Variants in PBX1 observed in about 807,000 individuals in gnomAD.
The protein encoded by PBX1 is pre-B-cell leukemia transcription factor 1.
PBX1 carries 6 observed loss-of-function variants against 53.4 expected under a neutral mutation model. The ratio of observed to expected loss-of-function variants is 0.11; its 90% CI spans 0.06 to 0.22. PBX1 has a LOEUF of 0.22. Ranked by LOEUF, PBX1 falls within the 10% of genes least tolerant of loss-of-function variation. The pLI, the probability that PBX1 is intolerant of heterozygous loss-of-function variation, is 1.00. For missense variants in PBX1, 251 were observed against 551.4 expected (o/e 0.46, Z 5.46); for synonymous variants, 204 against 212.3 (o/e 0.96, Z 0.34).
intron 2 of PBX1, among the ~76,000 whole-genome samples, chr1:164,708,736 T>C (rs775888996): frequency 2.0e-5 from 3 of 152,212 alleles, no homozygotes; most frequent in Admixed American, 6.5e-5. Flanking sequence ...ACAACAAATA[T>C]ATGGCACAGG....
At chr1:164,695,689 T>G (rs1039360172) in intron 2 of PBX1, among the ~76,000 whole-genome samples, 3 of 152,200 alleles carry the variant, frequency 2.0e-5, no homozygotes, top group Non-Finnish European at 2.9e-5. Flanking sequence ...TTCTCCCAAT[T>G]TTTAGTACAT....
intron 2 of PBX1, among the ~76,000 whole-genome samples, chr1:164,857,134 C>T (rs1308572856): frequency 6.6e-6 from 1 of 152,196 alleles, no homozygotes; most frequent in Non-Finnish European, 1.5e-5. Flanking sequence ...CCTGCCCTCA[C>T]ATCAGACACC....
chr1:164,681,677 G>C (rs909445647), intron 2 of PBX1, among the ~76,000 whole-genome samples: 7 of 152,180 alleles, frequency 4.6e-5, no homozygotes, highest in Non-Finnish European at 1.0e-4. Context: ...GCCTACTTTA[G>C]AGTGGAGCGT....
At chr1:164,661,539 G>T (rs1660495083) in intron 2 of PBX1, among the ~76,000 whole-genome samples, 1 of 149,698 alleles carries the variant, frequency 6.7e-6, no homozygotes, top group Admixed American at 6.8e-5. Flanking sequence ...CAATTCTCCT[G>T]CCTCAGCCTC....
At chr1:164,799,362 G>C (rs564200817) in intron 3 of PBX1, among the ~76,000 whole-genome samples, 1 of 152,088 alleles carries the variant, frequency 6.6e-6, no homozygotes, top group African/African-American at 2.4e-5. Context: ...GTGGTGGCGG[G>C]CGCCTGTAGT....
intron 4 of PBX1, among the ~76,000 whole-genome samples, chr1:164,803,950 T>C (rs1669210427): frequency 6.6e-6 from 1 of 152,220 alleles, no homozygotes; most frequent in African/African-American, 2.4e-5. Context: ...ATTAGTATAG[T>C]ATCTGGCATA....
chr1:164,774,226 G>A (rs1490222233), intron 2 of PBX1, among the ~76,000 whole-genome samples: 3 of 152,072 alleles, frequency 2.0e-5, no homozygotes, highest in Non-Finnish European at 4.4e-5. Flanking sequence ...GGGTTCTTTG[G>A]GAAGCTTCAA....
chr1:164,692,338 G>A (rs2102026319), intron 2 of PBX1, among the ~76,000 whole-genome samples: 1 of 152,264 alleles, frequency 6.6e-6, no homozygotes, highest in African/African-American at 2.4e-5. Context: ...TTTTTATGCT[G>A]TCACTCAGCC....
At chr1:164,624,718 C>T (rs563040378) in intron 2 of PBX1, among the ~76,000 whole-genome samples, 72 of 152,096 alleles carry the variant, frequency 4.7e-4, no homozygotes, top group Non-Finnish European at 9.0e-4. Flanking sequence ...TTTTTCAGTT[C>T]CTATAGGTTT....
intron 2 of PBX1, among the ~76,000 whole-genome samples, chr1:164,730,561 A>G (rs1431905328): frequency 6.6e-6 from 1 of 152,164 alleles, no homozygotes; most frequent in Non-Finnish European, 1.5e-5. Flanking sequence ...AAAAGGTTCC[A>G]TACTCCAGTC....
At chr1:164,825,446 T>C (rs1670408963) in intron 8 of PBX1, among the ~76,000 whole-genome samples, 1 of 152,156 alleles carries the variant, frequency 6.6e-6, no homozygotes, top group African/African-American at 2.4e-5. Context: ...AATGAATAAA[T>C]CAGGGAGGGG....
chr1:164,782,582 T>A (rs933085400), intron 2 of PBX1, among the ~76,000 whole-genome samples: 1 of 152,246 alleles, frequency 6.6e-6, no homozygotes, highest in African/African-American at 2.4e-5. Context: ...ATTCAGCAAT[T>A]TTCAAAAACT....
chr1:164,643,866 A>C (rs1659298421), intron 2 of PBX1, among the ~76,000 whole-genome samples: 1 of 152,206 alleles, frequency 6.6e-6, no homozygotes, highest in African/African-American at 2.4e-5. Flanking sequence ...GCCCTTGTAC[A>C]AAATCACTGT....
At chr1:164,736,247 T>C (rs1665263534) in intron 2 of PBX1, among the ~76,000 whole-genome samples, 1 of 152,166 alleles carries the variant, frequency 6.6e-6, no homozygotes, top group Non-Finnish European at 1.5e-5. Flanking sequence ...TTACCATTAT[T>C]AGAAATAGCT....
chr1:164,695,158 A>G (rs1057416157), intron 2 of PBX1, among the ~76,000 whole-genome samples: 1 of 152,216 alleles, frequency 6.6e-6, no homozygotes, highest in African/African-American at 2.4e-5. Context: ...ATTTTAAGCT[A>G]AGTCAAATTA....
At chr1:164,844,858 A>G (rs1031392241) in intron 8 of PBX1, among the ~76,000 whole-genome samples, 1 of 152,218 alleles carries the variant, frequency 6.6e-6, no homozygotes, top group Non-Finnish European at 1.5e-5. Context: ...TTATGAAAGA[A>G]AGAATTATTT....
intron 2 of PBX1, among the ~76,000 whole-genome samples, chr1:164,662,820 A>T (rs2101950946): frequency 1.6e-5 from 2 of 121,792 alleles, no homozygotes; most frequent in Middle Eastern, 8.7e-3. Context: ...ATGCATGTGA[A>T]CATGTGTGAA....
chr1:164,821,870 G>C (rs1571472416), intron 8 of PBX1, among the ~76,000 whole-genome samples: 1 of 152,084 alleles, frequency 6.6e-6, no homozygotes, highest in South Asian at 2.1e-4. Flanking sequence ...GTGTTTGCAT[G>C]GCACCTGCGG....
At chr1:164,706,192 T>A (rs543110981) in intron 2 of PBX1, among the ~76,000 whole-genome samples, 31 of 152,284 alleles carry the variant, frequency 2.0e-4, no homozygotes, top group African/African-American at 7.0e-4. Flanking sequence ...ATACTGTGTG[T>A]CTTTTCACCT....
Sources: allele counts gnomAD v4.1 joint callset (sites outside exome capture counted in the v4.1 genomes callset), GRCh38; gene constraint gnomAD v4.1.1; transcripts MANE v1.5; gene names NCBI Gene and HGNC (gene_info 2026-07-23, HGNC 2026-07-21).